The following TOX2 variants were observed in gnomAD, a reference collection of about 807,000 sequenced individuals.
TOX2 encodes granulosa cell HMG box 1.
Under a neutral mutation model 47.4 loss-of-function variants are expected in TOX2, and 15 were observed. The ratio of observed to expected loss-of-function variants is 0.32; its 90% CI spans 0.21 to 0.49. The LOEUF is 0.49. Among genes scored for constraint, TOX2 ranks in the 20% least tolerant of loss-of-function variants. The pLI, the probability that TOX2 is intolerant of heterozygous loss-of-function variation, is 0.99. For missense variants in TOX2, 622 were observed against 673.1 expected (o/e 0.92, Z 0.84); for synonymous variants, 290 against 296.6 (o/e 0.98, Z 0.23).
intron 2 of TOX2, among the ~76,000 whole-genome samples, chr20:44,002,735 G>A (rs2070605961): frequency 1.3e-5 from 2 of 152,160 alleles, no homozygotes; most frequent in South Asian, 2.1e-4. Flanking sequence ...GGTGAAGGGG[G>A]GAGCAGGCAT....
intron 2 of TOX2, among the ~76,000 whole-genome samples, chr20:43,991,153 A>C (rs908988342): frequency 2.6e-5 from 4 of 152,244 alleles, no homozygotes; most frequent in African/African-American, 9.6e-5. Flanking sequence ...GTCCAAGGTC[A>C]CACAGCCTGT....
intron 1 of TOX2, among the ~76,000 whole-genome samples, chr20:43,929,884 A>G (rs2069229969): frequency 6.6e-6 from 1 of 151,612 alleles, no homozygotes; most frequent in Non-Finnish European, 1.5e-5. Context: ...TACTTTTTGT[A>G]TTTTTAGTAG....
chr20:44,044,531 C>A (rs1207345648), intron 3 of TOX2, among the ~76,000 whole-genome samples: 2 of 151,864 alleles, frequency 1.3e-5, no homozygotes, highest in African/African-American at 4.8e-5. Context: ...CCCTACCGGA[C>A]AAAATTTCTT....
chr20:43,927,736 C>T (rs2069195674), intron 1 of TOX2, among the ~76,000 whole-genome samples: 3 of 148,088 alleles, frequency 2.0e-5, no homozygotes, highest in African/African-American at 5.0e-5. Flanking sequence ...TCCTTCCATC[C>T]TTCCTTCCTT....
chr20:43,928,997 A>AAAAAAAAAAAAAC (rs540054093), intron 1 of TOX2, among the ~76,000 whole-genome samples: 25 of 149,652 alleles, frequency 1.7e-4, no homozygotes, highest in African/African-American at 6.0e-4. Context: ...AAAAAAAAAA[A>AAAAAAAAAAAAAC]AACAACAACA....
At chr20:44,010,092 A>G (rs980306980) in intron 3 of TOX2, among the ~76,000 whole-genome samples, 6 of 152,346 alleles carry the variant, frequency 3.9e-5, no homozygotes, top group East Asian at 1.9e-4. Flanking sequence ...AGCACTTGCT[A>G]TTATTATTTG....
intron 1 of TOX2, among the ~76,000 whole-genome samples, chr20:43,953,977 A>G (rs1040533370): frequency 3.9e-5 from 6 of 152,186 alleles, no homozygotes; most frequent in African/African-American, 1.4e-4. Context: ...TGAGACTCAA[A>G]GAATGGAACC....
At chr20:44,042,344 T>A (rs1429800452) in intron 3 of TOX2, among the ~76,000 whole-genome samples, 1 of 152,204 alleles carries the variant, frequency 6.6e-6, no homozygotes, top group Non-Finnish European at 1.5e-5. Flanking sequence ...AAGATGAGAT[T>A]TGAGTGTGAA....
chr20:44,011,361 C>A (rs901353039), intron 3 of TOX2, among the ~76,000 whole-genome samples: 1 of 152,138 alleles, frequency 6.6e-6, no homozygotes, highest in African/African-American at 2.4e-5. Flanking sequence ...TGAGGGACTC[C>A]TGGTGCAGAT....
chr20:44,016,471 G>A (rs895588505), intron 3 of TOX2, among the ~76,000 whole-genome samples: 1 of 151,998 alleles, frequency 6.6e-6, no homozygotes, highest in Admixed American at 6.6e-5. Flanking sequence ...GTTCTTTAGC[G>A]CAGGGGTTCC....
rs59829203 is a variant in TOX2, at chr20:43,951,707, G to GTTTTTTTTTTT, written c.100-21649_100-21639dup. ...TGACCATTACTATTAAACTTATTAT[G>GTTTTTTTTTTT]TTTTTTTTTTTTTTTTTTTTTAGAG... On this transcript the variant is annotated intron_variant, in intron 1 of 8. Transcript: ENST00000341197. 7.0e-3 allele frequency among the ~76,000 whole-genome samples: 385 copies of GTTTTTTTTTTT among 55,078 alleles called. 90 individuals are homozygous for GTTTTTTTTTTT. Among genetic ancestry groups the GTTTTTTTTTTT allele is most frequent in the Non-Finnish European group, 0.01 (263 of 25,570 alleles). The allele number at this position is 55,078 out of a possible 152,430, so 36.1% of individuals were successfully genotyped here.
intron 2 of TOX2, among the ~76,000 whole-genome samples, chr20:43,974,083 A>G (rs776400957): frequency 3.3e-5 from 5 of 152,138 alleles, no homozygotes; most frequent in African/African-American, 1.2e-4. Flanking sequence ...ACTATAGACT[A>G]TGATGCCACA....
Position 44,066,116 on chromosome 20 carries a change from G to A in TOX2, c.1356+9G>A. 1 of 1,531,662 alleles carries A rather than the reference G, an allele frequency of 6.5e-7. No homozygotes were observed. The allele number at this position is 1,531,662 out of a possible 1,614,324, so 94.9% of individuals were successfully genotyped here. A position where few individuals can be genotyped will look rare whatever the true frequency, so the allele number is the denominator to read the frequency against. On this transcript the variant is annotated intron_variant, in intron 7 of 8. Transcript: ENST00000341197. ...CACCTCCAGGGCCACAGGTAAGCAGGGAAGAGCAGAACAGCCCTTCTGTGA... is the reference window on the plus strand; with the variant it reads ...CACCTCCAGGGCCACAGGTAAGCAGAGAAGAGCAGAACAGCCCTTCTGTGA...
chr20:44,040,707 CT>C (rs1260675426), intron 3 of TOX2, among the ~76,000 whole-genome samples: 1 of 152,122 alleles, frequency 6.6e-6, no homozygotes, highest in African/African-American at 2.4e-5. Context: ...CTTTCTCTTC[CT>C]CCTGATGAGG....
intron 2 of TOX2, among the ~76,000 whole-genome samples, chr20:43,994,926 T>C (rs2070444891): frequency 6.6e-6 from 1 of 152,146 alleles, no homozygotes; most frequent in African/African-American, 2.4e-5. Context: ...CGTGGCACAC[T>C]GCCGGTGGGA....
At chr20:43,995,025 C>T (rs1413623288) in intron 2 of TOX2, among the ~76,000 whole-genome samples, 1 of 152,044 alleles carries the variant, frequency 6.6e-6, no homozygotes, top group Non-Finnish European at 1.5e-5. Context: ...ATTACATTCC[C>T]CTCCCCCACC....
At chr20:44,037,369 CTG>C (rs1381173252) in intron 3 of TOX2, among the ~76,000 whole-genome samples, 5 of 152,236 alleles carry the variant, frequency 3.3e-5, no homozygotes, top group African/African-American at 1.2e-4. Flanking sequence ...GTGTCTGACT[CTG>C]TACAAAGTTA....
At chr20:43,942,673 G>C (rs1290870093) in intron 1 of TOX2, among the ~76,000 whole-genome samples, 2 of 151,996 alleles carry the variant, frequency 1.3e-5, no homozygotes, top group Non-Finnish European at 2.9e-5. Flanking sequence ...GCAATAGAGG[G>C]AGACCCTGTC....
At chr20:43,936,092 C>T (rs117074867) in intron 1 of TOX2, among the ~76,000 whole-genome samples, 360 of 152,298 alleles carry the variant, frequency 2.4e-3, no homozygotes, top group Admixed American at 5.7e-3. Flanking sequence ...GAGACTCAGA[C>T]CATCAACCTG....
Sources: allele counts gnomAD v4.1 joint callset (sites outside exome capture counted in the v4.1 genomes callset), GRCh38; gene constraint gnomAD v4.1.1; transcripts MANE v1.5; gene names NCBI Gene and HGNC (gene_info 2026-07-23, HGNC 2026-07-21).